Variants in CEP128 observed in about 807,000 individuals in gnomAD.
CEP128 encodes the protein centrosomal protein 128, also known as centrosomal protein 128kDa.
CEP128 carries 132 observed loss-of-function variants against 156.7 expected under a neutral mutation model. The ratio of observed to expected loss-of-function variants is 0.84; its 90% CI spans 0.73 to 0.97. CEP128 has a LOEUF of 0.97. Ranked by LOEUF, CEP128 falls within the 50% of genes least tolerant of loss-of-function variation. The pLI is 0.00. For synonymous variants in CEP128, 469 were observed against 448.9 expected, an observed-to-expected ratio of 1.04 and a Z score of -0.57; for missense variants, 1,252 against 1,281.9, an observed-to-expected ratio of 0.98 and a Z score of 0.36.
At chr14:80,770,208 T>C (rs1900446388) in intron 16 of CEP128, among the ~76,000 whole-genome samples, 2 of 152,224 alleles carry the variant, frequency 1.3e-5, no homozygotes, top group South Asian at 4.1e-4. Context: ...AACTTTGACT[T>C]TACTCCTGTA....
At chr14:80,726,107 G>A (rs1277497696) in intron 19 of CEP128, among the ~76,000 whole-genome samples, 1 of 152,044 alleles carries the variant, frequency 6.6e-6, no homozygotes, top group Non-Finnish European at 1.5e-5. Flanking sequence ...ACCTTCTCTT[G>A]TGGTTTAGAA....
chr14:80,540,063 C>T (rs1889673204), intron 21 of CEP128, among the ~76,000 whole-genome samples: 1 of 152,134 alleles, frequency 6.6e-6, no homozygotes, highest in Admixed American at 6.5e-5. Flanking sequence ...TGAACATAGA[C>T]CCTTATCAAT....
At chr14:80,914,170 T>G in intron 4 of CEP128, 152 bp downstream of exon 4, 2 of 551,728 alleles carry the variant, frequency 3.6e-6, no homozygotes, top group Non-Finnish European at 6.5e-6. Flanking sequence ...TCTGACAAGC[T>G]AACCTAAACT....
At chr14:80,672,736 T>C (rs1014644099) in intron 19 of CEP128, among the ~76,000 whole-genome samples, 1 of 152,180 alleles carries the variant, frequency 6.6e-6, no homozygotes, top group Admixed American at 6.5e-5. Context: ...GTTTGTTTCA[T>C]CAGAACAGCC....
chr14:80,581,477 G>A (rs573578992), intron 19 of CEP128, among the ~76,000 whole-genome samples: 22 of 152,134 alleles, frequency 1.4e-4, no homozygotes, highest in Non-Finnish European at 3.1e-4. Context: ...AACTGGGCAG[G>A]CAATACACCA....
intron 19 of CEP128, among the ~76,000 whole-genome samples, chr14:80,647,989 TC>T (rs1179713639): frequency 2.6e-5 from 4 of 152,104 alleles, no homozygotes; most frequent in Admixed American, 2.6e-4. Context: ...ATTCCAAGGT[TC>T]TTCTAGGCTT....
chr14:80,739,011 GGCAATCTGGCTTAAACC>G (rs1035361372), intron 19 of CEP128, among the ~76,000 whole-genome samples: 10 of 152,164 alleles, frequency 6.6e-5, no homozygotes, highest in African/African-American at 2.4e-4. Context: ...ATACTGATTT[GGCAATCTGGCTTAAACC>G]ACTCCTAAGA....
exon 7 of CEP128, chr14:80,490,539 A>G (rs1887289597): frequency 6.6e-6 from 1 of 152,216 alleles, no homozygotes; most frequent in Non-Finnish European, 1.5e-5. Context: ...CAGAAGAACT[A>G]TACTATAGGC....
chr14:80,743,612 G>C (rs908106592), intron 18 of CEP128, among the ~76,000 whole-genome samples: 3 of 152,032 alleles, frequency 2.0e-5, no homozygotes, highest in Non-Finnish European at 4.4e-5. Context: ...ATACATCCCA[G>C]AATAGAACTA....
Position 80,792,850 on chromosome 14 carries a change from A to G in CEP128, c.1470T>C (p.Ile490=), listed in dbSNP as rs1438738633. The G allele has an allele frequency of 6.2e-7, 1 of 1,614,144 alleles. No individual in the cohort carries two copies. Among genetic ancestry groups the G allele is most frequent in the East Asian group, 2.2e-5 (1 of 44,884 alleles). Reference sequence around the variant, plus strand: ...TCTTATGCTTAAGCTTCCACTGCCTAATGGATTCTTGAGCTTTCAGTTTCA... The same window carrying G: ...TCTTATGCTTAAGCTTCCACTGCCTGATGGATTCTTGAGCTTTCAGTTTCA... ...EDLKLKAQES[I]RQWKLKHKKL... is the part of the protein sequence containing the mutation. The change falls in exon 14 of 25, where the codon ATT becomes ATC. Residue 490 remains isoleucine (I), a synonymous_variant. Transcript: ENST00000555265.
intron 20 of CEP128, among the ~76,000 whole-genome samples, chr14:80,574,903 G>A (rs991359635): frequency 1.3e-5 from 2 of 151,956 alleles, no homozygotes; most frequent in African/African-American, 4.8e-5. Context: ...CTTCAACTGG[G>A]AGATTCCAGA....
chr14:80,849,193 T>C (rs1169108730), intron 9 of CEP128, among the ~76,000 whole-genome samples: 4 of 152,126 alleles, frequency 2.6e-5, no homozygotes, highest in Non-Finnish European at 5.9e-5. Context: ...GGTTTTAAAA[T>C]ATAAAACAAA....
chr14:80,742,959 A>C, intron 19 of CEP128, 116 bp downstream of exon 19: 1 of 824,542 alleles, frequency 1.2e-6, no homozygotes, highest in Non-Finnish European at 1.9e-6. Flanking sequence ...CAAGAAAAGG[A>C]GATGGGCTTG....
intron 15 of CEP128, among the ~76,000 whole-genome samples, chr14:80,781,455 CAA>C (rs67179008): frequency 1.1e-5 from 1 of 90,504 alleles, no homozygotes; most frequent in Non-Finnish European, 2.1e-5. Context: ...GACTCCGTCT[CAA>C]AAAAAAAAAA....
Position 80,729,058 on chromosome 14 carries a change from G to GGTGTGTGTGTGTGTGTGTGTGTGTGTGT in CEP128, c.2806+13989_2806+14016dup, listed in dbSNP as rs559470308. ...CCTAGTCCCAGGCTGGGCTGGTGGGGGTGTGTGTGTGTGTGTGTGTGTGTG... is the reference window on the plus strand; with the variant it reads ...CCTAGTCCCAGGCTGGGCTGGTGGGGGTGTGTGTGTGTGTGTGTGTGTGTGTGTGTGTGTGTGTGTGTGTGTGTGTGTG... On this transcript the variant is annotated intron_variant, in intron 19 of 24. Transcript: ENST00000555265. Among the ~76,000 whole-genome samples, 52 of 105,052 alleles carry GGTGTGTGTGTGTGTGTGTGTGTGTGTGT rather than the reference G, an allele frequency of 4.9e-4. 3 individuals are homozygous for GGTGTGTGTGTGTGTGTGTGTGTGTGTGT. Among genetic ancestry groups the GGTGTGTGTGTGTGTGTGTGTGTGTGTGT allele is most frequent in the East Asian group, 6.2e-4 (2 of 3,202 alleles). 68.9% of individuals were successfully genotyped at this position (105,052 alleles called of 152,430 possible). A position where few individuals can be genotyped will look rare whatever the true frequency, so the allele number is the denominator to read the frequency against.
intron 19 of CEP128, among the ~76,000 whole-genome samples, chr14:80,587,834 G>A (rs1484584908): frequency 2.0e-5 from 3 of 152,048 alleles, no homozygotes; most frequent in Non-Finnish European, 2.9e-5. Context: ...CTGAAATCCA[G>A]GCATAAAATC....
At chr14:80,498,150 T>C (rs1887577732) in intron 24 of CEP128, among the ~76,000 whole-genome samples, 1 of 152,158 alleles carries the variant, frequency 6.6e-6, no homozygotes, top group South Asian at 2.1e-4. Context: ...GTCTGCCCAG[T>C]TTCTCAAACC....
intron 13 of CEP128, among the ~76,000 whole-genome samples, chr14:80,829,444 T>C (rs1310505518): frequency 2.0e-5 from 3 of 152,236 alleles, no homozygotes; most frequent in African/African-American, 7.2e-5. Flanking sequence ...AGAGTCTTAC[T>C]ATGTTGCCTA....
At chr14:80,594,689 G>C (rs1258784337) in intron 19 of CEP128, among the ~76,000 whole-genome samples, 1 of 152,142 alleles carries the variant, frequency 6.6e-6, no homozygotes, top group African/African-American at 2.4e-5. Context: ...CTCAAAGGAA[G>C]ACATTTATGC....
Sources: allele counts gnomAD v4.1 joint callset (sites outside exome capture counted in the v4.1 genomes callset), GRCh38; gene constraint gnomAD v4.1.1; transcripts MANE v1.5; gene names NCBI Gene and HGNC (gene_info 2026-07-23, HGNC 2026-07-21).